TMIGD2: variants seen among roughly 807,000 people sequenced by gnomAD.
The protein encoded by TMIGD2 is transmembrane and immunoglobulin domain containing 2.
A neutral mutation model predicts 22.6 loss-of-function variants in TMIGD2; 18 were observed. That is an observed-to-expected ratio of 0.80 (90% CI 0.55 to 1.18). The LOEUF (loss-of-function observed/expected upper bound fraction) is 1.18. TMIGD2 is among the 50% of genes most tolerant of loss of function. The probability of loss-of-function intolerance (pLI) is 0.00; values close to 1 mark genes in which losing one functional copy is unlikely to be tolerated. For synonymous variants in TMIGD2, 184 were observed against 154.1 expected, an observed-to-expected ratio of 1.19 and a Z score of -1.44; for missense variants, 361 against 378.2, an observed-to-expected ratio of 0.95 and a Z score of 0.38.
At chr19:4,294,637 A>AGCCACACCCATGCTT in exon 4 of TMIGD2, 1 of 1,606,198 alleles carries the variant, frequency 6.2e-7, no homozygotes. Flanking sequence ...ACACGATCGC[A>AGCCACACCCATGCTT]GCCACACCCA....
exon 5 of TMIGD2, chr19:4,292,535 C>T (rs1312509222): frequency 1.3e-6 from 2 of 1,513,552 alleles, no homozygotes; most frequent in Non-Finnish European, 9.2e-7. Context: ...CCGTGTCTGG[C>T]CTCGATCCCC....
chr19:4,295,789 C>T (rs1176743455), intron 2 of TMIGD2, among the ~76,000 whole-genome samples: 1 of 152,100 alleles, frequency 6.6e-6, no homozygotes, highest in Non-Finnish European at 1.5e-5. Context: ...TGCCTAGGGT[C>T]CCCTACCCAG....
At chr19:4,302,347 C>A in exon 1 of TMIGD2, 1 of 1,575,280 alleles carries the variant, frequency 6.3e-7, no homozygotes, top group Non-Finnish European at 8.6e-7. Flanking sequence ...CACCCCAGAT[C>A]TGCACCAGGA....
At chr19:4,297,359 G>A (rs1424192255) in intron 2 of TMIGD2, among the ~76,000 whole-genome samples, 4 of 151,392 alleles carry the variant, frequency 2.6e-5, no homozygotes, top group Admixed American at 1.3e-4. Context: ...ATGAGCTACC[G>A]CGCCCAGCTG....
At chr19:4,301,976 T>C (rs1423086558) in intron 1 of TMIGD2, among the ~76,000 whole-genome samples, 1 of 152,068 alleles carries the variant, frequency 6.6e-6, no homozygotes, top group African/African-American at 2.4e-5. Context: ...AGAAGGGTAT[T>C]AGGCAGCTGG....
At chr19:4,298,386 C>A (rs371020666) in intron 1 of TMIGD2, 41 bp from the exon 2 acceptor site, 2 of 1,513,182 alleles carry the variant, frequency 1.3e-6, no homozygotes, top group Non-Finnish European at 1.8e-6. Context: ...TCTGACTGTG[C>A]GCATGTGAGG....
chr19:4,300,962 GT>G (rs1971529030), intron 1 of TMIGD2, among the ~76,000 whole-genome samples: 1 of 92,026 alleles, frequency 1.1e-5, no homozygotes, highest in Non-Finnish European at 2.5e-5. Flanking sequence ...TCCAATTGAA[GT>G]TTTTGTTTTT....
chr19:4,298,430 CT>C (rs1971493311), intron 1 of TMIGD2, 85 bp from the exon 2 acceptor site: 5 of 1,466,380 alleles, frequency 3.4e-6, no homozygotes, highest in Non-Finnish European at 4.5e-6. Context: ...AGCCCGCAGT[CT>C]GGGTTTGAAA....
chr19:4,294,338 AG>A lies in TMIGD2; in HGVS notation c.562+228del, dbSNP rs58776624. Among the ~76,000 whole-genome samples the A allele has an allele frequency of 5.5e-3, 835 of 152,280 alleles. 7 individuals are homozygous for A. Among genetic ancestry groups the A allele is most frequent in the African/African-American group, 0.019 (789 of 41,548 alleles). Reference sequence around the variant, plus strand: ...CCAAAATGCTGGGATGACAGGCATGAGCCACCGCGCCCAGCAATTTGTAATT... The same window carrying A: ...CCAAAATGCTGGGATGACAGGCATGACCACCGCGCCCAGCAATTTGTAATT... On this transcript the variant is annotated intron_variant, in intron 4 of 4. Coordinates refer to ENST00000301272, the Ensembl canonical transcript of TMIGD2.
rs141829707 is a variant in TMIGD2, at chr19:4,298,014, G to T, written c.378C>A (p.Gly126=). 22 of 1,607,748 alleles carry T rather than the reference G, an allele frequency of 1.4e-5. No homozygotes were observed. The African/African-American group carries it at 2.1e-4, about 16-fold the overall frequency. Residue 126 remains glycine (G), a synonymous_variant, in exon 2 of 5, where the codon GGC becomes GGA. Transcript: ENST00000301272. The stretch of plus-strand genomic sequence containing the variant: ...GGTCCACAAAGAGCCTTGTTATGTT[G>T]CCCTCAGCCTCCTCCAACTCAGGAA...
intron 2 of TMIGD2, among the ~76,000 whole-genome samples, chr19:4,295,556 T>G (rs1324125096): frequency 6.6e-6 from 1 of 150,860 alleles, no homozygotes; most frequent in Non-Finnish European, 1.5e-5. Context: ...CGAGACTGTC[T>G]CGAAAAAAAA....
chr19:4,296,887 G>A (rs1971468182), intron 2 of TMIGD2, among the ~76,000 whole-genome samples: 1 of 152,176 alleles, frequency 6.6e-6, no homozygotes, highest in Non-Finnish European at 1.5e-5. Context: ...ATTCTGCCCA[G>A]GATGGGTCCA....
chr19:4,294,255 T>C (rs1282401335), intron 4 of TMIGD2, among the ~76,000 whole-genome samples: 1 of 151,172 alleles, frequency 6.6e-6, no homozygotes, highest in Non-Finnish European at 1.5e-5. Context: ...TTTTAGTAGA[T>C]ACAAGGTTTC....
Position 4,294,656 on chromosome 19 carries a change from AC to A in TMIGD2, c.472del (p.Val158TrpfsTer138). ...GATCGCAGCCACACCCATGCTTCCC[AC>A]CCCCAGCAGCACGAAGAGGAATCCT... is the stretch of plus-strand genomic sequence containing the variant. On this transcript the variant is annotated frameshift_variant, in exon 4 of 5. Coordinates refer to ENST00000301272, the Ensembl canonical transcript of TMIGD2. LOFTEE classifies it high-confidence loss of function. 6.3e-7 allele frequency: 1 copy of A among 1,594,220 alleles called. No homozygotes were observed. The highest frequency in any genetic ancestry group is 1.7e-5 in the Admixed American group (1 of 57,564).
intron 4 of TMIGD2, among the ~76,000 whole-genome samples, chr19:4,293,164 T>G (rs1380105804): frequency 6.6e-6 from 1 of 151,268 alleles, no homozygotes; most frequent in East Asian, 1.9e-4. Context: ...GGGGTTTCAC[T>G]GTTAGCCAGG....
At chr19:4,299,292 GTAACC>G (rs1971504105) in intron 1 of TMIGD2, among the ~76,000 whole-genome samples, 1 of 151,876 alleles carries the variant, frequency 6.6e-6, no homozygotes, top group African/African-American at 2.4e-5. Context: ...CTACAGGCAT[GTAACC>G]ACTATGCCTG....
At position 4,292,888 on chromosome 19, in the gene TMIGD2, A is replaced by C; in HGVS notation, c.563-3T>G. ...GACGTTGCTGTAGAATGCATTTCCT[A>C]GGATGGATGACACAGACCAAGAGGA... On this transcript the variant is annotated splice_polypyrimidine_tract_variant and splice_region_variant and intron_variant, in intron 4 of 4. Coordinates refer to ENST00000301272, the Ensembl canonical transcript of TMIGD2. 2 of 1,613,044 alleles carry C rather than the reference A, an allele frequency of 1.2e-6. No homozygotes were observed. The highest frequency in any genetic ancestry group is 1.7e-6 in the Non-Finnish European group (2 of 1,179,844).
chr19:4,292,481 C>T (rs1971393718), exon 5 of TMIGD2: 1 of 1,071,468 alleles, frequency 9.3e-7, no homozygotes, highest in East Asian at 2.4e-5. Context: ...AAGTGTTCCA[C>T]CCGCCTCGGC....
intron 4 of TMIGD2, among the ~76,000 whole-genome samples, chr19:4,294,241 G>T (rs1042798942): frequency 6.6e-6 from 1 of 151,712 alleles, no homozygotes; most frequent in African/African-American, 2.4e-5. Flanking sequence ...CTAATTTTTT[G>T]TATTTTTAGT....
Sources: gnomAD v4.1 joint callset for allele counts (sites outside exome capture counted in the v4.1 genomes callset) on GRCh38, gnomAD v4.1.1 for gene constraint, MANE v1.5 for transcripts, NCBI Gene and HGNC (gene_info 2026-07-23, HGNC 2026-07-21) for gene names.